PLXNB2: variants seen among roughly 807,000 people sequenced by gnomAD.
The protein encoded by PLXNB2 is plexin B2.
In PLXNB2, 85 loss-of-function variants were observed where a neutral mutation model predicts 202.6. The ratio of observed to expected loss-of-function variants is 0.42; its 90% CI spans 0.35 to 0.50. The LOEUF (loss-of-function observed/expected upper bound fraction) is 0.50. Among genes scored for constraint, PLXNB2 ranks in the 20% least tolerant of loss-of-function variants. The pLI is 0.02. For missense variants in PLXNB2, 2,063 were observed against 2,586.2 expected (o/e 0.80, Z 4.39); for synonymous variants, 1,239 against 1,137.6 (o/e 1.09, Z -1.79).
chr22:50,298,143 C>A (rs1389520590), intron 1 of PLXNB2, among the ~76,000 whole-genome samples: 6 of 152,208 alleles, frequency 3.9e-5, no homozygotes, highest in Admixed American at 3.9e-4. Flanking sequence ...CTCAGTGAGC[C>A]GGGAAGGGGT....
chr22:50,302,667 G>A (rs941622915), intron 1 of PLXNB2, among the ~76,000 whole-genome samples: 1 of 152,190 alleles, frequency 6.6e-6, no homozygotes, highest in Non-Finnish European at 1.5e-5. Flanking sequence ...GGAGTGGGGA[G>A]GCCAAGCCCC....
At chr22:50,293,669 C>G (rs2067054739) in intron 2 of PLXNB2, among the ~76,000 whole-genome samples, 1 of 152,198 alleles carries the variant, frequency 6.6e-6, no homozygotes, top group Admixed American at 6.5e-5. Flanking sequence ...TCGGATCTGG[C>G]CCGGACCGTG....
intron 1 of PLXNB2, among the ~76,000 whole-genome samples, chr22:50,306,679 G>A (rs1027354288): frequency 1.4e-5 from 2 of 141,110 alleles, no homozygotes; most frequent in East Asian, 4.4e-4. Flanking sequence ...CGGGTTTGGG[G>A]CCCACCCTCA....
chr22:50,294,476 AAGCTTGGCCTGAGCAAC>A (rs1414473645), intron 2 of PLXNB2, among the ~76,000 whole-genome samples: 1 of 151,360 alleles, frequency 6.6e-6, no homozygotes, highest in African/African-American at 2.4e-5. Context: ...ACCTGAGCAA[AAGCTTGGCCTGAGCAAC>A]AGCTTGGCCT....
Position 50,283,202 on chromosome 22 carries a change from G to A in PLXNB2, c.2680-16C>T. On this transcript the variant is annotated splice_polypyrimidine_tract_variant and intron_variant, in intron 16 of 36. Coordinates refer to ENST00000359337, the MANE Select transcript of PLXNB2 (RefSeq NM_012401.4). ...GCTTGGGCTGCTGAAAGAGCCGCAG[G>A]GGCACTCGGGTGAGGACGGGGCACA... 1 of 1,599,666 alleles carries A rather than the reference G, an allele frequency of 6.3e-7. No homozygotes were observed. The highest frequency in any genetic ancestry group is 1.7e-4 in the Middle Eastern group (1 of 5,964).
chr22:50,294,654 TACCTCCG>T, intron 2 of PLXNB2, 58 bp downstream of exon 2: 11 of 698,994 alleles, frequency 1.6e-5, no homozygotes, highest in Non-Finnish European at 1.9e-5. Flanking sequence ...CAGTTCTAGA[TACCTCCG>T]GCCTCCCTGT....
At position 50,279,753 on chromosome 22, in the gene PLXNB2, G is replaced by A; in HGVS notation, c.4266C>T (p.Tyr1422=). Residue 1422 remains tyrosine, a synonymous_variant, in exon 27 of 37, where the codon TAC becomes TAT. Coordinates refer to ENST00000359337, the MANE Select transcript of PLXNB2 (RefSeq NM_012401.4). ...YLKDSAGEPL[Y]KLFKAIKHQV... ...GATGTTTGATGGCCTTGAAGAGCTTGTACAGGGGCTCCCCGGCACTGTCCT... is the reference window on the plus strand; with the variant it reads ...GATGTTTGATGGCCTTGAAGAGCTTATACAGGGGCTCCCCGGCACTGTCCT... The A allele has an allele frequency of 6.2e-7, 1 of 1,613,968 alleles. No individual in the cohort carries two copies. The highest frequency in any genetic ancestry group is 8.5e-7 in the Non-Finnish European group (1 of 1,179,982).
intron 35 of PLXNB2, among the ~76,000 whole-genome samples, chr22:50,276,204 C>T (rs1044510741): frequency 4.8e-5 from 7 of 146,724 alleles, no homozygotes; most frequent in African/African-American, 1.7e-4. Context: ...GATGGACCCA[C>T]AGGGACGGGT....
intron 26 of PLXNB2, 80 bp from the exon 27 acceptor site, chr22:50,279,856 A>C (rs1412400808): frequency 2.1e-5 from 33 of 1,540,408 alleles, no homozygotes; most frequent in Non-Finnish European, 2.8e-5. Context: ...GGCCAGAGGC[A>C]TGGACGGGGC....
At chr22:50,295,135 A>G (rs1289108737) in intron 1 of PLXNB2, among the ~76,000 whole-genome samples, 1 of 152,116 alleles carries the variant, frequency 6.6e-6, no homozygotes, top group Admixed American at 6.6e-5. Flanking sequence ...CCTGGTGAAC[A>G]CAGTGAAACC....
intron 35 of PLXNB2, 98 bp from the exon 36 acceptor site, chr22:50,276,061 G>GC: frequency 8.4e-7 from 1 of 1,190,232 alleles, no homozygotes; most frequent in Non-Finnish European, 1.2e-6. Flanking sequence ...CCTCCCCGGG[G>GC]AAGCAGCTGG....
Position 50,282,326 on chromosome 22 carries a change from G to T in PLXNB2, c.2988-13C>A. On this transcript the variant is annotated splice_polypyrimidine_tract_variant and intron_variant, in intron 18 of 36. Coordinates refer to ENST00000359337, the MANE Select transcript of PLXNB2 (RefSeq NM_012401.4). ...GCTGCGGCCACCACTGCGGAGGGCAGTGCCTTCGTGGGCTCGGCTGGCAGG... is the reference window on the plus strand; with the variant it reads ...GCTGCGGCCACCACTGCGGAGGGCATTGCCTTCGTGGGCTCGGCTGGCAGG... The T allele has an allele frequency of 6.3e-7, 1 of 1,582,154 alleles. No homozygotes were observed. Among genetic ancestry groups the T allele is most frequent in the Non-Finnish European group, 8.6e-7 (1 of 1,163,878 alleles).
chr22:50,284,361 C>A lies in PLXNB2; in HGVS notation c.2182-148G>T. The A allele has an allele frequency of 2.5e-6, 2 of 797,234 alleles. No homozygotes were observed. The highest frequency in any genetic ancestry group is 1.6e-5 in the South Asian group (1 of 64,410). 49.4% of individuals were successfully genotyped at this position (797,234 alleles called of 1,614,324 possible). ...CCTTCAGGTGTCGGAAGTTCGGGAA[C>A]CCCATGGACGCTGCTCTGTGCCACT... On this transcript the variant is annotated intron_variant, in intron 12 of 36. Transcript: ENST00000359337. This position sits in a 1 kb window ranked among gnomAD's most constrained non-coding sequence, Gnocchi z 8.0.
At position 50,297,812 on chromosome 22, in the gene PLXNB2, GTTTCCC is replaced by G. The variant is rs2067384631; in HGVS notation, c.-73-3040_-73-3035del. Reference sequence around the variant, plus strand: ...ATTCAGAAAGCTGCTCTGTGCCTCAGTTTCCCCATATGTAACCTGGGGGTCATTATG... The same window carrying G: ...ATTCAGAAAGCTGCTCTGTGCCTCAGCATATGTAACCTGGGGGTCATTATG... On this transcript the variant is annotated intron_variant, in intron 1 of 36. Coordinates refer to ENST00000359337, the MANE Select transcript of PLXNB2 (RefSeq NM_012401.4). This position sits in a 1 kb window ranked among gnomAD's most constrained non-coding sequence, Gnocchi z 5.3. 6.6e-6 allele frequency among the ~76,000 whole-genome samples: 1 copy of G among 152,158 alleles called. No individual in the cohort carries two copies.
intron 26 of PLXNB2, 61 bp downstream of exon 26, chr22:50,279,944 G>A: frequency 6.9e-7 from 1 of 1,450,708 alleles, no homozygotes; most frequent in Non-Finnish European, 9.5e-7. Context: ...GGGAACGCAG[G>A]AGGGGATGGC....
intron 1 of PLXNB2, among the ~76,000 whole-genome samples, chr22:50,306,689 ACC>A: frequency 8.7e-6 from 1 of 115,254 alleles, no homozygotes; most frequent in Admixed American, 7.9e-5. Flanking sequence ...GCCCACCCTC[ACC>A]CTCACCCTCA....
At position 50,293,320 on chromosome 22, in the gene PLXNB2, C is replaced by A. The variant is rs544194347; in HGVS notation, c.-14+1399G>T. 6.2e-3 allele frequency among the ~76,000 whole-genome samples: 937 copies of A among 152,302 alleles called. 6 individuals carry two copies. The highest frequency in any genetic ancestry group is 0.01 in the Middle Eastern group (3 of 294). Reference sequence around the variant, plus strand: ...GCTACAGCCACAGCCCATGGCCCTACCAGGGAGGAGCAGCGCCTGCCCGAA... The same window carrying A: ...GCTACAGCCACAGCCCATGGCCCTAACAGGGAGGAGCAGCGCCTGCCCGAA... On this transcript the variant is annotated intron_variant, in intron 2 of 36. Transcript: ENST00000359337.
In PLXNB2 at chr22:50,276,687, C is replaced by A. The variant is rs770951350; in HGVS notation, c.5279G>T (p.Arg1760Leu). 5.6e-6 allele frequency: 9 copies of A among 1,613,576 alleles called. No homozygotes were observed. Among genetic ancestry groups the A allele is most frequent in the African/African-American group, 2.7e-5 (2 of 74,862 alleles). The change falls in exon 35 of 37, where the codon CGG (arginine) becomes CTG (leucine). Residue 1760 changes from arginine (R) to leucine (L), a missense_variant. Coordinates refer to ENST00000359337, the MANE Select transcript of PLXNB2 (RefSeq NM_012401.4). ...CTGGTCGCTGACCTGCACCATCTGC[C>A]GGATCCCCTTGTAGTAACTGCAGGG... is the stretch of plus-strand genomic sequence containing the variant. The part of the protein sequence containing the change: ...KMVEDYYKGI[R>L]QMVQVSDQDM...
Position 50,289,926 on chromosome 22 carries a change from G to T in PLXNB2, c.659C>A (p.Ala220Glu), listed in dbSNP as rs75911819. ...GACGTAGGGGCCGTCCTCGAAGGCC[G>T]CCACGAACTGCTGTGTGTTGGTGGA... ...YLSTNTQQFV[A>E]AFEDGPYVFF... The change falls in exon 3 of 37, where the codon GCG (alanine) becomes GAG (glutamate). Residue 220 changes from alanine to glutamate, a missense_variant. By Grantham distance (107) the Ala-to-Glu change is moderately radical. Coordinates refer to ENST00000359337, the MANE Select transcript of PLXNB2 (RefSeq NM_012401.4). This position sits in a 1 kb window ranked among gnomAD's most constrained non-coding sequence, Gnocchi z 8.0. 2 of 1,613,204 alleles carry T rather than the reference G, an allele frequency of 1.2e-6. No individual in the cohort carries two copies. Among genetic ancestry groups the T allele is most frequent in the Non-Finnish European group, 8.5e-7 (1 of 1,180,016 alleles).
Sources: allele counts gnomAD v4.1 joint callset (sites outside exome capture counted in the v4.1 genomes callset), GRCh38; gene constraint gnomAD v4.1.1; non-coding constraint Gnocchi (gnomAD v3.1); transcripts MANE v1.5; gene names NCBI Gene and HGNC (gene_info 2026-07-23, HGNC 2026-07-21).